Variants in GPC5 observed in about 807,000 individuals in gnomAD.
GPC5 encodes glypican-5.
GPC5 carries 47 observed loss-of-function variants against 53.9 expected under a neutral mutation model. The observed-to-expected ratio is 0.87, with a 90% CI of 0.69 to 1.11. The LOEUF is 1.11. GPC5 is among the 50% of genes most tolerant of loss of function. GPC5 has a pLI of 0.00. For synonymous variants in GPC5, 286 were observed against 263.3 expected, an observed-to-expected ratio of 1.09 and a Z score of -0.84; for missense variants, 748 against 713.1, an observed-to-expected ratio of 1.05 and a Z score of -0.56.
At chr13:91,541,222 C>T (rs1424360715) in intron 2 of GPC5, among the ~76,000 whole-genome samples, 2 of 152,156 alleles carry the variant, frequency 1.3e-5, no homozygotes, top group Admixed American at 1.3e-4. Context: ...ATTTTTGCTA[C>T]ATATTTTTTG....
At chr13:91,695,844 T>C (rs553868022) in intron 3 of GPC5, among the ~76,000 whole-genome samples, 4 of 152,222 alleles carry the variant, frequency 2.6e-5, no homozygotes, top group Non-Finnish European at 5.9e-5. Context: ...TTTTTTCCTA[T>C]GTATTTTGGA....
chr13:92,114,599 G>A (rs921479861), intron 6 of GPC5, among the ~76,000 whole-genome samples: 1 of 152,168 alleles, frequency 6.6e-6, no homozygotes, highest in Admixed American at 6.5e-5. Flanking sequence ...ATAAATGAGA[G>A]AGAACTGACA....
chr13:92,219,799 G>T (rs2042436110), intron 7 of GPC5, among the ~76,000 whole-genome samples: 1 of 152,060 alleles, frequency 6.6e-6, no homozygotes, highest in Non-Finnish European at 1.5e-5. Context: ...ACTGATTGTG[G>T]ACCACTACTT....
intron 6 of GPC5, among the ~76,000 whole-genome samples, chr13:92,134,825 C>T (rs1226875820): frequency 3.9e-5 from 6 of 152,022 alleles, no homozygotes; most frequent in East Asian, 3.9e-4. Context: ...TATACATTTT[C>T]GTGTCAGTAT....
chr13:91,695,684 A>G (rs1464789845), intron 3 of GPC5, among the ~76,000 whole-genome samples: 1 of 152,170 alleles, frequency 6.6e-6, no homozygotes, highest in African/African-American at 2.4e-5. Context: ...CAAAATGCTC[A>G]TATTATTTTA....
intron 2 of GPC5, among the ~76,000 whole-genome samples, chr13:91,477,424 AG>A (rs1362422216): frequency 6.6e-6 from 1 of 152,202 alleles, no homozygotes; most frequent in Non-Finnish European, 1.5e-5. Context: ...GGATCTAAAA[AG>A]ATGGGAAGGT....
At chr13:92,628,223 T>C (rs1391187386) in intron 7 of GPC5, among the ~76,000 whole-genome samples, 1 of 150,312 alleles carries the variant, frequency 6.7e-6, no homozygotes, top group Non-Finnish European at 1.5e-5. Context: ...AAATCTATTC[T>C]TGAGAATCAA....
chr13:91,514,622 A>T (rs1247660545), intron 2 of GPC5, among the ~76,000 whole-genome samples: 1 of 152,202 alleles, frequency 6.6e-6, no homozygotes, highest in Non-Finnish European at 1.5e-5. Flanking sequence ...GGAAGTAAAA[A>T]GTAACTGAGA....
intron 6 of GPC5, among the ~76,000 whole-genome samples, chr13:91,970,490 CAGTT>C (rs1461451366): frequency 1.3e-5 from 2 of 151,618 alleles, no homozygotes; most frequent in Non-Finnish European, 2.9e-5. Context: ...ATAGATATGT[CAGTT>C]AGTTAGACTG....
intron 7 of GPC5, among the ~76,000 whole-genome samples, chr13:92,210,305 G>A (rs570593082): frequency 2.1e-4 from 32 of 152,158 alleles, no homozygotes; most frequent in African/African-American, 7.7e-4. Flanking sequence ...CTTTTTTATA[G>A]TGGATTCTGA....
At chr13:92,748,762 T>A (rs1405271440) in intron 7 of GPC5, among the ~76,000 whole-genome samples, 1 of 152,180 alleles carries the variant, frequency 6.6e-6, no homozygotes, top group African/African-American at 2.4e-5. Flanking sequence ...TAATTGTTAA[T>A]AGAAATATCC....
At chr13:92,576,905 C>G (rs1277939365) in intron 7 of GPC5, among the ~76,000 whole-genome samples, 1 of 152,166 alleles carries the variant, frequency 6.6e-6, no homozygotes, top group Non-Finnish European at 1.5e-5. Context: ...ATTGCAATTA[C>G]AAATTCAATG....
At chr13:92,495,507 A>C (rs1879938680) in intron 7 of GPC5, among the ~76,000 whole-genome samples, 1 of 152,172 alleles carries the variant, frequency 6.6e-6, no homozygotes, top group African/African-American at 2.4e-5. Context: ...ATATGCTGCC[A>C]GTCTCGAACC....
chr13:92,748,491 T>C (rs1290211374), intron 7 of GPC5, among the ~76,000 whole-genome samples: 2 of 151,698 alleles, frequency 1.3e-5, no homozygotes, highest in Admixed American at 6.6e-5. Context: ...TGCTAATTGT[T>C]TGTAATTTTT....
In GPC5 at chr13:91,476,166, A is replaced by G. The variant is rs183704365; in HGVS notation, c.325+27244A>G. Among the ~76,000 whole-genome samples, 3 of 152,276 alleles carry G rather than the reference A, an allele frequency of 2.0e-5. No individual in the cohort carries two copies. The East Asian group carries it at 5.8e-4, about 29-fold the overall frequency. ...TGGTAGGATGCTTCGCAGCATCTTG[A>G]CATCTACCCACTAGATGCCAGTAGC... On this transcript the variant is annotated intron_variant, in intron 2 of 7. Coordinates refer to ENST00000377067, the MANE Select transcript of GPC5 (RefSeq NM_004466.6).
In GPC5 at chr13:92,385,413, T is replaced by TATATAC. The variant is rs1566567374; in HGVS notation, c.1561+240429_1561+240430insCATATA. Among the ~76,000 whole-genome samples, 143 of 71,084 alleles carry TATATAC rather than the reference T, an allele frequency of 2.0e-3. 6 individuals carry two copies. The highest frequency in any genetic ancestry group is 3.4e-3 in the Non-Finnish European group (121 of 35,570). 46.6% of individuals were successfully genotyped at this position (71,084 alleles called of 152,430 possible). ...ATACATATATACACATATATACACA[T>TATATAC]ATATATACATATATACATATATACA... On this transcript the variant is annotated intron_variant, in intron 7 of 7. Transcript: ENST00000377067.
At chr13:91,907,844 G>C in intron 5 of GPC5, 93 bp from the exon 6 acceptor site, 1 of 1,307,764 alleles carries the variant, frequency 7.6e-7, no homozygotes, top group Non-Finnish European at 1.1e-6. Context: ...TTCTCTAAAG[G>C]AGGAAATTCC....
At chr13:91,971,893 G>A (rs2040245737) in intron 6 of GPC5, among the ~76,000 whole-genome samples, 1 of 152,132 alleles carries the variant, frequency 6.6e-6, no homozygotes, top group African/African-American at 2.4e-5. Flanking sequence ...CAACTATGTG[G>A]TCAATTTTGG....
At chr13:91,802,726 T>A (rs9301755) in intron 5 of GPC5, among the ~76,000 whole-genome samples, 1 of 151,698 alleles carries the variant, frequency 6.6e-6, no homozygotes, top group Non-Finnish European at 1.5e-5. Flanking sequence ...AGCTTCACCT[T>A]TCACTAGCAT....
Sources: gnomAD v4.1 joint callset for allele counts (sites outside exome capture counted in the v4.1 genomes callset) on GRCh38, gnomAD v4.1.1 for gene constraint, MANE v1.5 for transcripts, NCBI Gene and HGNC (gene_info 2026-07-23, HGNC 2026-07-21) for gene names.